Variants in MAP2K6 observed in about 807,000 individuals in gnomAD.
MAP2K6 encodes mitogen-activated protein kinase kinase 6, also known as dual specificity mitogen-activated protein kinase kinase 6.
Under a neutral mutation model 53.7 loss-of-function variants are expected in MAP2K6, and 16 were observed. That is an observed-to-expected ratio of 0.30 (90% confidence interval 0.20 to 0.45). MAP2K6 has a LOEUF of 0.45. Among genes scored for constraint, MAP2K6 ranks in the 20% least tolerant of loss-of-function variants. The probability of loss-of-function intolerance (pLI) is 1.00; values close to 1 mark genes in which losing one functional copy is unlikely to be tolerated. For missense variants in MAP2K6, 204 were observed against 411.9 expected (o/e 0.50, Z 4.37); for synonymous variants, 132 against 143.1 (o/e 0.92, Z 0.55).
chr17:69,536,538 G>C (rs1430650379), intron 11 of MAP2K6, among the ~76,000 whole-genome samples: 2 of 152,090 alleles, frequency 1.3e-5, no homozygotes, highest in Non-Finnish European at 2.9e-5. Context: ...CTCTTTGACT[G>C]ATCAATTTTT....
At chr17:69,432,556 GA>G (rs1167899713) in intron 1 of MAP2K6, among the ~76,000 whole-genome samples, 3 of 148,898 alleles carry the variant, frequency 2.0e-5, no homozygotes, top group Admixed American at 6.9e-5. Context: ...CACAGAAACA[GA>G]AAACCAAACA....
At chr17:69,485,531 G>A in intron 1 of MAP2K6, 1 of 872,592 alleles carries the variant, frequency 1.1e-6, no homozygotes, top group South Asian at 5.3e-5. Context: ...CTGACCTATT[G>A]TGGCTGTTCC....
chr17:69,441,137 A>G (rs1461540506), intron 1 of MAP2K6, among the ~76,000 whole-genome samples: 5 of 152,236 alleles, frequency 3.3e-5, no homozygotes, highest in African/African-American at 4.8e-5. Context: ...TAGGACAGAA[A>G]TGTCATGATG....
At chr17:69,526,447 C>A (rs1482045225) in intron 9 of MAP2K6, 123 bp from the exon 10 acceptor site, 2 of 993,408 alleles carry the variant, frequency 2.0e-6, no homozygotes, top group Non-Finnish European at 3.0e-6. Flanking sequence ...TGCCCCCCTA[C>A]CCCTGGACTT....
chr17:69,508,189 T>C (rs1361955877), intron 2 of MAP2K6, among the ~76,000 whole-genome samples: 1 of 151,572 alleles, frequency 6.6e-6, no homozygotes, highest in Non-Finnish European at 1.5e-5. Flanking sequence ...GTAGCTGGGA[T>C]TATAGGCGCC....
intron 10 of MAP2K6, 126 bp downstream of exon 10, chr17:69,526,835 C>G: frequency 8.8e-7 from 1 of 1,141,462 alleles, no homozygotes; most frequent in Non-Finnish European, 1.2e-6. Context: ...AGTATGCCCT[C>G]TCTGCTGGAG....
intron 2 of MAP2K6, among the ~76,000 whole-genome samples, chr17:69,508,335 G>A (rs1254029263): frequency 2.6e-5 from 4 of 151,920 alleles, no homozygotes; most frequent in Admixed American, 2.6e-4. Context: ...CCAAAGTGCT[G>A]GGATTATAGG....
At chr17:69,416,322 T>C (rs1186209958) in intron 1 of MAP2K6, among the ~76,000 whole-genome samples, 2 of 152,126 alleles carry the variant, frequency 1.3e-5, no homozygotes, top group African/African-American at 4.8e-5. Context: ...TCTTTGAGTA[T>C]TAGGGGAGAA....
At chr17:69,505,473 G>A (rs59412630) in intron 1 of MAP2K6, 5,006 of 206,988 alleles carry the variant, frequency 0.024, 275 homozygotes, top group East Asian at 0.18. Flanking sequence ...AAGTTGCAAT[G>A]ACAAATTCTC....
rs1911846810 is a variant in MAP2K6 at position 69,545,598 on chromosome 17, A to G, written c.*3845A>G. 1.3e-5 allele frequency: 2 copies of G among 152,332 alleles called. No individual in the cohort carries two copies. Among genetic ancestry groups the G allele is most frequent in the East Asian group, 3.9e-4 (2 of 5,190 alleles). The allele number at this position is 152,332 out of a possible 1,614,324, so 9.4% of individuals were successfully genotyped here. Reference sequence around the variant, plus strand: ...TCAGGGTGCCATTAGTTGTCTTGGTACTTTTTTCATGGTGCCCCAGGTCAA... The same window carrying G: ...TCAGGGTGCCATTAGTTGTCTTGGTGCTTTTTTCATGGTGCCCCAGGTCAA... On this transcript the variant is annotated 3_prime_UTR_variant, in exon 12 of 12. Coordinates refer to ENST00000590474, the MANE Select transcript of MAP2K6 (RefSeq NM_002758.4).
intron 4 of MAP2K6, among the ~76,000 whole-genome samples, 194 bp downstream of exon 4, chr17:69,517,807 T>C (rs902034788): frequency 3.3e-5 from 5 of 152,218 alleles, no homozygotes; most frequent in African/African-American, 7.2e-5. Context: ...ATCTACTTTT[T>C]ATTTGTTTTT....
intron 1 of MAP2K6, among the ~76,000 whole-genome samples, chr17:69,469,318 C>G (rs1440689527): frequency 6.6e-6 from 1 of 152,184 alleles, no homozygotes; most frequent in Non-Finnish European, 1.5e-5. Flanking sequence ...CCAAGTAATC[C>G]TGATCAATCA....
intron 1 of MAP2K6, among the ~76,000 whole-genome samples, chr17:69,495,074 A>G (rs1320995101): frequency 2.0e-5 from 3 of 147,952 alleles, no homozygotes; most frequent in Admixed American, 6.8e-5. Flanking sequence ...GACCAGAGGA[A>G]AAAAAGAATC....
intron 1 of MAP2K6, among the ~76,000 whole-genome samples, chr17:69,449,578 T>C (rs1907125882): frequency 6.9e-6 from 1 of 145,550 alleles, no homozygotes; most frequent in African/African-American, 2.6e-5. Flanking sequence ...TCTTTCTTTC[T>C]TTCTTTCTTT....
chr17:69,519,254 T>C, intron 4 of MAP2K6, 59 bp from the exon 5 acceptor site: 1 of 1,566,864 alleles, frequency 6.4e-7, no homozygotes, highest in Non-Finnish European at 8.6e-7. Flanking sequence ...CTCCTTCAGG[T>C]CCCTGCCTGC....
intron 2 of MAP2K6, among the ~76,000 whole-genome samples, chr17:69,509,584 T>A (rs2145231847): frequency 6.6e-6 from 1 of 152,310 alleles, no homozygotes; most frequent in Admixed American, 6.5e-5. Context: ...TGTTTTATTT[T>A]TTCTTTTCCA....
At chr17:69,482,375 G>C (rs1001170876) in intron 1 of MAP2K6, among the ~76,000 whole-genome samples, 5 of 152,002 alleles carry the variant, frequency 3.3e-5, no homozygotes, top group Admixed American at 1.3e-4. Flanking sequence ...AGTTTATAAA[G>C]GTTTACAGTA....
chr17:69,508,830 G>T (rs1057393788), intron 2 of MAP2K6, among the ~76,000 whole-genome samples: 6 of 152,168 alleles, frequency 3.9e-5, no homozygotes, highest in African/African-American at 1.4e-4. Context: ...TTTGGCCAGT[G>T]GGTTACCAAT....
intron 11 of MAP2K6, among the ~76,000 whole-genome samples, chr17:69,536,955 G>A (rs1257344929): frequency 6.6e-6 from 1 of 152,098 alleles, no homozygotes; most frequent in East Asian, 1.9e-4. Flanking sequence ...GGTGGCATTT[G>A]CCTGTAGCCC....
Sources: gnomAD v4.1 joint callset for allele counts (sites outside exome capture counted in the v4.1 genomes callset) on GRCh38, gnomAD v4.1.1 for gene constraint, MANE v1.5 for transcripts, NCBI Gene and HGNC (gene_info 2026-07-23, HGNC 2026-07-21) for gene names.